Variants in FGD4 observed in about 807,000 individuals in gnomAD.
FGD4 encodes FYVE, RhoGEF and PH domain containing 4, also known as FYVE, RhoGEF and PH domain-containing protein 4.
FGD4 carries 42 observed loss-of-function variants against 102.0 expected under a neutral mutation model. The observed-to-expected ratio is 0.41, with a 90% CI of 0.32 to 0.53. The LOEUF (loss-of-function observed/expected upper bound fraction) is 0.53. Ranked by LOEUF, FGD4 falls within the 20% of genes least tolerant of loss-of-function variation. The pLI is 0.21. For missense variants in FGD4, 902 were observed against 1,078.2 expected (o/e 0.84, Z 2.29); for synonymous variants, 380 against 375.7 (o/e 1.01, Z -0.13).
At chr12:32,411,186 C>T (rs1211878795) in intron 1 of FGD4, among the ~76,000 whole-genome samples, 1 of 151,788 alleles carries the variant, frequency 6.6e-6, no homozygotes, top group African/African-American at 2.4e-5. Context: ...GGCTCAGCCT[C>T]CCAAAGTGCT....
At chr12:32,610,902 A>G (rs1422496977) in intron 9 of FGD4, 68 bp downstream of exon 9, 2 of 1,514,076 alleles carry the variant, frequency 1.3e-6, no homozygotes, top group African/African-American at 2.7e-5. Flanking sequence ...CCTCAATACT[A>G]TGTAGATTTG....
At chr12:32,415,875 G>A (rs1565727367) in intron 1 of FGD4, among the ~76,000 whole-genome samples, 1 of 152,020 alleles carries the variant, frequency 6.6e-6, no homozygotes, top group Non-Finnish European at 1.5e-5. Flanking sequence ...AGCTACTCCT[G>A]CTCTTTTTTT....
At chr12:32,599,061 T>TA (rs1948134853) in intron 5 of FGD4, among the ~76,000 whole-genome samples, 1 of 152,244 alleles carries the variant, frequency 6.6e-6, no homozygotes. Context: ...ATGAAACATT[T>TA]AATATAGTAC....
intron 1 of FGD4, among the ~76,000 whole-genome samples, chr12:32,531,568 G>A (rs970522801): frequency 4.6e-5 from 7 of 152,070 alleles, no homozygotes; most frequent in South Asian, 2.1e-4. Flanking sequence ...AGCCCTTTAC[G>A]TTGGCTTCTT....
At chr12:32,538,087 T>G (rs1433127444) in intron 1 of FGD4, among the ~76,000 whole-genome samples, 1 of 152,052 alleles carries the variant, frequency 6.6e-6, no homozygotes, top group Non-Finnish European at 1.5e-5. Context: ...AGTAGAGACA[T>G]GGGTTTTGTC....
rs547421643 is a variant in FGD4, at chr12:32,537,621, A to G, written c.167-26516A>G. Among the ~76,000 whole-genome samples the G allele has an allele frequency of 6.6e-5, 10 of 152,308 alleles. No individual in the cohort carries two copies. The East Asian group carries it at 1.9e-3, about 29-fold the overall frequency. On this transcript the variant is annotated intron_variant, in intron 1 of 16. Transcript: ENST00000534526. The stretch of plus-strand genomic sequence containing the variant: ...CCTTAACTTTCTGACCTCAGCATCA[A>G]ATATGCTCCCTAGTCTATCCATGTT...
At chr12:32,617,866 C>T (rs1949542640) in intron 10 of FGD4, among the ~76,000 whole-genome samples, 1 of 152,182 alleles carries the variant, frequency 6.6e-6, no homozygotes, top group Admixed American at 6.5e-5. Flanking sequence ...TGTTTTCTAT[C>T]GTGCGGGAGC....
chr12:32,443,540 T>G (rs1206130619), intron 1 of FGD4, among the ~76,000 whole-genome samples: 6 of 147,946 alleles, frequency 4.1e-5, no homozygotes, highest in African/African-American at 1.5e-4. Flanking sequence ...TTAGGTTTTT[T>G]TTTTTTTTTT....
intron 1 of FGD4, among the ~76,000 whole-genome samples, chr12:32,401,933 G>C (rs1175198282): frequency 7.1e-6 from 1 of 140,510 alleles, no homozygotes; most frequent in South Asian, 2.3e-4. Flanking sequence ...GACGGAGTCT[G>C]GCTCTGTCGC....
chr12:32,537,634 G>A (rs1942410265), intron 1 of FGD4, among the ~76,000 whole-genome samples: 1 of 152,098 alleles, frequency 6.6e-6, no homozygotes, highest in African/African-American at 2.4e-5. Flanking sequence ...ATGCTCCCTA[G>A]TCTATCCATG....
At chr12:32,635,968 T>C (rs183538065) in intron 15 of FGD4, among the ~76,000 whole-genome samples, 27 of 151,514 alleles carry the variant, frequency 1.8e-4, no homozygotes, top group African/African-American at 6.5e-4. Flanking sequence ...GCTGAGATCG[T>C]GCCATTGTAC....
intron 1 of FGD4, among the ~76,000 whole-genome samples, chr12:32,423,434 T>C (rs1239065940): frequency 6.6e-6 from 1 of 150,380 alleles, no homozygotes; most frequent in Non-Finnish European, 1.5e-5. Flanking sequence ...TATTAAAAAA[T>C]ACAAAAAATT....
chr12:32,400,666 T>A (rs1174131110), intron 1 of FGD4, among the ~76,000 whole-genome samples: 2 of 152,204 alleles, frequency 1.3e-5, no homozygotes, highest in African/African-American at 4.8e-5. Flanking sequence ...CCAGGCGAGT[T>A]TGAAACTAGG....
At chr12:32,406,098 C>CA (rs1385258072) in intron 1 of FGD4, among the ~76,000 whole-genome samples, 6 of 152,038 alleles carry the variant, frequency 3.9e-5, no homozygotes, top group African/African-American at 1.4e-4. Context: ...CATGTGCCAC[C>CA]ACGCCTGGCT....
At chr12:32,564,556 T>C (rs1055063396) in intron 2 of FGD4, among the ~76,000 whole-genome samples, 5 of 152,242 alleles carry the variant, frequency 3.3e-5, no homozygotes, top group African/African-American at 1.2e-4. Flanking sequence ...GTGATCTCTT[T>C]ATTATGCCTG....
At chr12:32,540,549 T>C (rs375277601) in intron 1 of FGD4, among the ~76,000 whole-genome samples, 8 of 151,352 alleles carry the variant, frequency 5.3e-5, no homozygotes, top group Admixed American at 6.6e-5. Context: ...ACGCCTTTTT[T>C]TTTCTTTCTT....
chr12:32,632,721 T>G (rs974228127), intron 14 of FGD4, among the ~76,000 whole-genome samples: 1 of 134,508 alleles, frequency 7.4e-6, no homozygotes, highest in Non-Finnish European at 1.7e-5. Flanking sequence ...TTATTTTTTT[T>G]TTTTGAGACA....
At chr12:32,584,547 C>G (rs1490155496) in intron 4 of FGD4, among the ~76,000 whole-genome samples, 1 of 151,938 alleles carries the variant, frequency 6.6e-6, no homozygotes, top group Non-Finnish European at 1.5e-5. Context: ...GTGAAAGCAT[C>G]TAAACTGTAT....
At chr12:32,468,929 G>A (rs953535388) in intron 1 of FGD4, among the ~76,000 whole-genome samples, 3 of 152,124 alleles carry the variant, frequency 2.0e-5, no homozygotes, top group African/African-American at 7.2e-5. Context: ...GAGTTCAAGC[G>A]ATTTTCCTGC....
Sources: gnomAD v4.1 joint callset for allele counts (sites outside exome capture counted in the v4.1 genomes callset) on GRCh38, gnomAD v4.1.1 for gene constraint, MANE v1.5 for transcripts, NCBI Gene and HGNC (gene_info 2026-07-23, HGNC 2026-07-21) for gene names.